CRACR2A: variants seen among roughly 807,000 people sequenced by gnomAD.
CRACR2A encodes the protein calcium release activated channel regulator 2A, also known as EF-hand calcium-binding domain-containing protein 4B.
A neutral mutation model predicts 90.5 loss-of-function variants in CRACR2A; 79 were observed. That is an observed-to-expected ratio of 0.87 (90% CI 0.73 to 1.05). The LOEUF (loss-of-function observed/expected upper bound fraction) is 1.05, where lower values mean the gene tolerates loss of function less well. Ranked by LOEUF, CRACR2A falls within the 50% of genes least tolerant of loss-of-function variation. The pLI, the probability that CRACR2A is intolerant of heterozygous loss-of-function variation, is 0.00. For synonymous variants in CRACR2A, 338 were observed against 356.7 expected (o/e 0.95, Z 0.59); for missense variants, 823 against 897.2 (o/e 0.92, Z 1.06).
intron 4 of CRACR2A, among the ~76,000 whole-genome samples, chr12:3,695,191 G>A (rs1945717874): frequency 6.6e-6 from 1 of 152,102 alleles, no homozygotes; most frequent in South Asian, 2.1e-4. Flanking sequence ...CTGTCTAGAG[G>A]GAATAATCAA....
rs1174319445 is a variant in CRACR2A at position 3,617,003 on chromosome 12, T to C, written c.2062A>G (p.Ser688Gly). ...TENNLIFYECSAYSGHNTKES... is the reference protein window; with the variant it reads ...TENNLIFYECGAYSGHNTKES... ...TTGGTGTTGTGACCAGAGTAGGCGC[T>C]GCATTCATAGAAGATCAGATTGTTC... is the stretch of plus-strand genomic sequence containing the variant. Residue 688 changes from serine to glycine, a missense_variant, in exon 19 of 20, where the codon AGC (serine) becomes GGC (glycine). Physicochemically the swap from Ser to Gly is moderately conservative, Grantham distance 56 (BLOSUM62 0). Coordinates refer to ENST00000440314, the MANE Select transcript of CRACR2A (RefSeq NM_001144958.2). The C allele has an allele frequency of 6.4e-7, 1 of 1,551,578 alleles. No individual in the cohort carries two copies. Among genetic ancestry groups the C allele is most frequent in the East Asian group, 2.4e-5 (1 of 40,908 alleles).
At chr12:3,721,430 G>A (rs1565501658) in intron 2 of CRACR2A, among the ~76,000 whole-genome samples, 1 of 151,376 alleles carries the variant, frequency 6.6e-6, no homozygotes, top group Non-Finnish European at 1.5e-5. Context: ...AAGAGAGAGA[G>A]AGCAAAAGAA....
chr12:3,623,282 G>A lies in CRACR2A; in HGVS notation c.1933-3910C>T, dbSNP rs374970560. 3.3e-5 allele frequency among the ~76,000 whole-genome samples: 5 copies of A among 152,138 alleles called. No homozygotes were observed. The South Asian group carries it at 8.3e-4, about 25-fold the overall frequency. On this transcript the variant is annotated intron_variant, in intron 17 of 19. Transcript: ENST00000440314. The stretch of plus-strand genomic sequence containing the variant: ...GAGGTTGCATTAGATTAATCTCCAC[G>A]TTTTTTTCCAGCTCGGAAACACTGG...
intron 7 of CRACR2A, among the ~76,000 whole-genome samples, chr12:3,665,629 C>T (rs1288770956): frequency 6.6e-6 from 1 of 152,186 alleles, no homozygotes; most frequent in Non-Finnish European, 1.5e-5. Flanking sequence ...TGCTCTATAG[C>T]TCCTTCAGAT....
chr12:3,741,604 G>A (rs1219448421), intron 1 of CRACR2A, among the ~76,000 whole-genome samples: 1 of 151,768 alleles, frequency 6.6e-6, no homozygotes, highest in African/African-American at 2.4e-5. Flanking sequence ...GAGGCCCACA[G>A]AGAGCAAGTG....
At chr12:3,707,328 G>C (rs938125480) in intron 3 of CRACR2A, among the ~76,000 whole-genome samples, 6 of 152,144 alleles carry the variant, frequency 3.9e-5, no homozygotes, top group African/African-American at 1.4e-4. Flanking sequence ...ACTCTTCCAG[G>C]TCTGGACAAC....
At position 3,653,308 on chromosome 12, in the gene CRACR2A, G is replaced by A. The variant is rs576365750; in HGVS notation, c.1046+904C>T. 1.1e-4 allele frequency among the ~76,000 whole-genome samples: 16 copies of A among 152,282 alleles called. No individual in the cohort carries two copies. In the East Asian group the frequency reaches 1.2e-3, roughly 11 times the overall value. On this transcript the variant is annotated intron_variant, in intron 10 of 19. Transcript: ENST00000440314. ...GGATGATTTAAAGATCAAACGAGAGGATGTCAAATTATCGACATAAGTGAG... is the reference window on the plus strand; with the variant it reads ...GGATGATTTAAAGATCAAACGAGAGAATGTCAAATTATCGACATAAGTGAG...
chr12:3,654,188 G>C (rs767722400), intron 10 of CRACR2A, 24 bp downstream of exon 10: 2 of 1,606,984 alleles, frequency 1.2e-6, no homozygotes, highest in Non-Finnish European at 1.7e-6. Context: ...AGACAGCAGA[G>C]GAGTGGACAA....
chr12:3,684,732 A>G (rs1348246259), intron 4 of CRACR2A, among the ~76,000 whole-genome samples: 2 of 152,224 alleles, frequency 1.3e-5, no homozygotes, highest in Non-Finnish European at 2.9e-5. Flanking sequence ...GCTGTACACC[A>G]CTATTGTCTG....
At chr12:3,701,712 A>G (rs983213867) in intron 3 of CRACR2A, among the ~76,000 whole-genome samples, 3 of 152,178 alleles carry the variant, frequency 2.0e-5, no homozygotes, top group Non-Finnish European at 4.4e-5. Flanking sequence ...TCAGGTCCGC[A>G]TAGCTAAATT....
intron 18 of CRACR2A, among the ~76,000 whole-genome samples, chr12:3,618,125 C>A (rs183834763): frequency 6.7e-6 from 1 of 148,968 alleles, no homozygotes; most frequent in African/African-American, 2.5e-5. Flanking sequence ...TGTGATAATA[C>A]GAATGTATCA....
chr12:3,650,118 C>A (rs10848900), intron 10 of CRACR2A, among the ~76,000 whole-genome samples: 1 of 151,976 alleles, frequency 6.6e-6, no homozygotes, highest in Non-Finnish European at 1.5e-5. Context: ...GGGAGCATCT[C>A]GCAAGTTGAT....
chr12:3,710,199 A>G (rs1256823072), intron 3 of CRACR2A, among the ~76,000 whole-genome samples: 2 of 152,114 alleles, frequency 1.3e-5, no homozygotes, highest in South Asian at 2.1e-4. Flanking sequence ...ACTTCCTTCC[A>G]AAGTATTTCC....
chr12:3,671,897 G>A (rs1049130192), intron 7 of CRACR2A, among the ~76,000 whole-genome samples: 1 of 152,216 alleles, frequency 6.6e-6, no homozygotes, highest in African/African-American at 2.4e-5. Flanking sequence ...TAAGGAAGCT[G>A]AGACTCAGAG....
At chr12:3,734,129 C>A (rs1470332728) in intron 1 of CRACR2A, among the ~76,000 whole-genome samples, 1 of 151,892 alleles carries the variant, frequency 6.6e-6, no homozygotes, top group Non-Finnish European at 1.5e-5. Context: ...CGCCACCACA[C>A]CCGGCTAATT....
chr12:3,730,686 A>G (rs1477694545), intron 2 of CRACR2A: 4 of 152,214 alleles, frequency 2.6e-5, no homozygotes, highest in African/African-American at 9.7e-5. Flanking sequence ...AATCGAGTGA[A>G]AAAGGCAAGG....
At chr12:3,716,618 T>C (rs968814412) in intron 2 of CRACR2A, among the ~76,000 whole-genome samples, 13 of 152,218 alleles carry the variant, frequency 8.5e-5, no homozygotes, top group African/African-American at 2.9e-4. Flanking sequence ...ATGGGCTTCA[T>C]CTTCAATACC....
intron 7 of CRACR2A, among the ~76,000 whole-genome samples, chr12:3,670,292 G>A (rs949275775): frequency 6.6e-6 from 1 of 152,210 alleles, no homozygotes; most frequent in Non-Finnish European, 1.5e-5. Context: ...TGAAAAGTGA[G>A]TGTGTGGAGG....
intron 4 of CRACR2A, among the ~76,000 whole-genome samples, chr12:3,680,996 T>A (rs1198766595): frequency 6.6e-6 from 1 of 152,230 alleles, no homozygotes; most frequent in Non-Finnish European, 1.5e-5. Flanking sequence ...AGAGCCAGGC[T>A]TCAAACCCTG....
Sources: allele counts gnomAD v4.1 joint callset (sites outside exome capture counted in the v4.1 genomes callset), GRCh38; gene constraint gnomAD v4.1.1; transcripts MANE v1.5; gene names NCBI Gene and HGNC (gene_info 2026-07-23, HGNC 2026-07-21).